Variants in CADPS observed in about 807,000 individuals in gnomAD.
CADPS encodes calcium-dependent secretion activator 1.
In CADPS, 57 loss-of-function variants were observed where a neutral mutation model predicts 167.3. The ratio of observed to expected loss-of-function variants is 0.34; its 90% confidence interval spans 0.28 to 0.42. CADPS has a LOEUF of 0.42. Among genes scored for constraint, CADPS ranks in the 20% least tolerant of loss-of-function variants. The probability of loss-of-function intolerance (pLI) is 1.00; values close to 1 mark genes in which losing one functional copy is unlikely to be tolerated. For missense variants in CADPS, 1,414 were observed against 1,738.1 expected, an observed-to-expected ratio of 0.81 and a Z score of 3.32; for synonymous variants, 676 against 635.3, an observed-to-expected ratio of 1.06 and a Z score of -0.96.
intron 6 of CADPS, chr3:62,626,518 C>G: frequency 1.4e-6 from 1 of 702,702 alleles, no homozygotes; most frequent in Non-Finnish European, 2.6e-6. Flanking sequence ...GGCACAAAGA[C>G]GGGACATCAA....
intron 16 of CADPS, chr3:62,513,545 A>G (rs2068325546): frequency 2.5e-6 from 2 of 811,542 alleles, no homozygotes; most frequent in Non-Finnish European, 4.0e-6. Flanking sequence ...AACTTGAAGC[A>G]AGGAGAGTGA....
At chr3:62,456,913 G>A (rs967170688) in intron 26 of CADPS, among the ~76,000 whole-genome samples, 1 of 152,046 alleles carries the variant, frequency 6.6e-6, no homozygotes, top group Non-Finnish European at 1.5e-5. Context: ...AATGGAGATC[G>A]GCTCTCACCA....
chr3:62,419,491 G>C (rs773887749), intron 28 of CADPS, among the ~76,000 whole-genome samples: 1 of 152,094 alleles, frequency 6.6e-6, no homozygotes, highest in Non-Finnish European at 1.5e-5. Flanking sequence ...ATCTTTTAAA[G>C]CTTGATTATG....
rs564760771 is a variant in CADPS, at chr3:62,415,285, G to A, written c.3778-12100C>T. 3.3e-5 allele frequency among the ~76,000 whole-genome samples: 5 copies of A among 152,198 alleles called. No homozygotes were observed. The South Asian group carries it at 6.2e-4, about 19-fold the overall frequency. ...CGCTCGGTTGCTCGGTGGCTGGGGA[G>A]GGGGTTGGTGTCATTACACATACAG... On this transcript the variant is annotated intron_variant, in intron 28 of 29. Transcript: ENST00000383710.
chr3:62,874,831 T>C lies in CADPS; in HGVS notation c.199A>G (p.Ser67Gly). ...GCCCCGCCGCCGCTGCTCGCGCCGC[T>C]GCCCCCGCCGCCGCCTGCACCCACC... is the stretch of plus-strand genomic sequence containing the variant. ...AGVGAGGGGG[S>G]GASSGGGAGG... The change falls in exon 1 of 30, where the codon AGC becomes GGC. Residue 67 changes from serine to glycine, a missense_variant. By Grantham distance (56) the Ser-to-Gly change is moderately conservative (BLOSUM62 0). Coordinates refer to ENST00000383710, the MANE Select transcript of CADPS (RefSeq NM_003716.4). The surrounding 1 kb of genome is among the most constrained non-coding windows in gnomAD (Gnocchi z 7.1). 9.7e-7 allele frequency: 1 copy of C among 1,032,056 alleles called. No individual in the cohort carries two copies. Among genetic ancestry groups the C allele is most frequent in the Non-Finnish European group, 1.2e-6 (1 of 850,934 alleles). The allele number at this position is 1,032,056 out of a possible 1,614,324, so 63.9% of individuals were successfully genotyped here. A position where few individuals can be genotyped will look rare whatever the true frequency, so the allele number is the denominator to read the frequency against.
intron 3 of CADPS, among the ~76,000 whole-genome samples, chr3:62,675,615 C>T (rs2076220632): frequency 6.6e-6 from 1 of 152,220 alleles, no homozygotes; most frequent in East Asian, 1.9e-4. Flanking sequence ...ACAATATTGG[C>T]TGCAATACAC....
chr3:62,662,405 G>A lies in CADPS; in HGVS notation c.889-11C>T. 6.2e-7 allele frequency: 1 copy of A among 1,613,288 alleles called. No homozygotes were observed. The highest frequency in any genetic ancestry group is 1.1e-5 in the South Asian group (1 of 91,070). On this transcript the variant is annotated splice_polypyrimidine_tract_variant and intron_variant, in intron 3 of 29. Transcript: ENST00000383710. ...ATCTGGATTGTCCAGCTGCACAAAAGCACAGACATTGAGACTTTTAGTTTG... is the reference window on the plus strand; with the variant it reads ...ATCTGGATTGTCCAGCTGCACAAAAACACAGACATTGAGACTTTTAGTTTG...
At chr3:62,793,783 G>A (rs1401288164) in intron 1 of CADPS, among the ~76,000 whole-genome samples, 1 of 152,216 alleles carries the variant, frequency 6.6e-6, no homozygotes, top group Non-Finnish European at 1.5e-5. Context: ...GTACGTGCGT[G>A]CACATGTGTG....
intron 23 of CADPS, among the ~76,000 whole-genome samples, chr3:62,475,248 G>A (rs1263600443): frequency 6.6e-6 from 1 of 152,148 alleles, no homozygotes; most frequent in Non-Finnish European, 1.5e-5. Context: ...CTTGACATCA[G>A]CATTGTAAAA....
chr3:62,482,035 G>A (rs1307058302), intron 21 of CADPS, among the ~76,000 whole-genome samples, 166 bp from the exon 22 acceptor site: 7 of 152,232 alleles, frequency 4.6e-5, no homozygotes, highest in Non-Finnish European at 7.3e-5. Flanking sequence ...AAGCTGTGGT[G>A]TGGCTCTGTA....
chr3:62,806,450 T>A (rs545086668), intron 1 of CADPS, among the ~76,000 whole-genome samples: 40 of 152,080 alleles, frequency 2.6e-4, no homozygotes, highest in African/African-American at 9.2e-4. Context: ...GAAGATTGCT[T>A]GAGTATGGGA....
chr3:62,593,048 C>A (rs2086413372), intron 6 of CADPS, among the ~76,000 whole-genome samples: 1 of 152,212 alleles, frequency 6.6e-6, no homozygotes, highest in Non-Finnish European at 1.5e-5. Flanking sequence ...GCTGTATCTA[C>A]AAACGATTCC....
At chr3:62,539,917 G>A (rs536726183) in intron 11 of CADPS, among the ~76,000 whole-genome samples, 129 of 152,240 alleles carry the variant, frequency 8.5e-4, no homozygotes, top group Non-Finnish European at 1.6e-3. Context: ...ATATGAGGCA[G>A]GTTGCTTAAT....
At chr3:62,558,634 G>A (rs898263846) in intron 9 of CADPS, among the ~76,000 whole-genome samples, 1 of 152,120 alleles carries the variant, frequency 6.6e-6, no homozygotes, top group Non-Finnish European at 1.5e-5. Flanking sequence ...AGAAATTGAC[G>A]CTCTCGAGTG....
intron 21 of CADPS, 83 bp downstream of exon 21, chr3:62,491,256 A>ATATGACAT: frequency 7.3e-7 from 1 of 1,368,664 alleles, no homozygotes; most frequent in East Asian, 2.3e-5. Flanking sequence ...AGTGAAACCC[A>ATATGACAT]TATGACATCA....
intron 1 of CADPS, among the ~76,000 whole-genome samples, chr3:62,803,942 A>G (rs1245441518): frequency 6.6e-6 from 1 of 151,920 alleles, no homozygotes; most frequent in Non-Finnish European, 1.5e-5. Context: ...CCTTCTTCCT[A>G]GGTACCCTTT....
intron 13 of CADPS, among the ~76,000 whole-genome samples, chr3:62,526,292 C>T (rs532829532): frequency 1.3e-5 from 2 of 152,288 alleles, no homozygotes; most frequent in East Asian, 3.9e-4. Flanking sequence ...CCTCTTACAT[C>T]TGCTTTACTC....
Position 62,684,231 on chromosome 3 carries a change from A to G in CADPS, c.889-21837T>C, listed in dbSNP as rs75715324. ...GTATGGACTTAGGAAAGTTTATTTT[A>G]TATTTTGAGTTATAACTCAGTATAT... On this transcript the variant is annotated intron_variant, in intron 3 of 29. Transcript: ENST00000383710. 1.7e-3 allele frequency among the ~76,000 whole-genome samples: 254 copies of G among 152,184 alleles called. 3 individuals are homozygous for G. Among genetic ancestry groups the G allele is most frequent in the Non-Finnish European group, 1.3e-3 (88 of 67,984 alleles).
intron 10 of CADPS, 74 bp downstream of exon 10, chr3:62,557,331 G>C (rs142410916): frequency 1.0e-6 from 1 of 997,526 alleles, no homozygotes; most frequent in African/African-American, 1.6e-5. Flanking sequence ...TAAGTGCCCA[G>C]CAATTATTAG....
Sources: allele counts gnomAD v4.1 joint callset (sites outside exome capture counted in the v4.1 genomes callset), GRCh38; gene constraint gnomAD v4.1.1; non-coding constraint Gnocchi (gnomAD v3.1); transcripts MANE v1.5; gene names NCBI Gene and HGNC (gene_info 2026-07-23, HGNC 2026-07-21).